Variants in SNTB1 observed in about 807,000 individuals in gnomAD.
SNTB1 encodes the protein beta-1-syntrophin.
Under a neutral mutation model 48.9 loss-of-function variants are expected in SNTB1, and 36 were observed. That is an observed-to-expected ratio of 0.74 (90% CI 0.56 to 0.97). SNTB1 has a LOEUF of 0.97. Ranked by LOEUF, SNTB1 falls within the 50% of genes least tolerant of loss-of-function variation. SNTB1 has a pLI of 0.00. For missense variants in SNTB1, 786 were observed against 703.4 expected (o/e 1.12, Z -1.33); for synonymous variants, 299 against 294.6 (o/e 1.01, Z -0.15).
At chr8:120,677,212 CTTGTT>C (rs1321553478) in intron 2 of SNTB1, among the ~76,000 whole-genome samples, 1 of 152,168 alleles carries the variant, frequency 6.6e-6, no homozygotes, top group African/African-American at 2.4e-5. Context: ...GCTCATGCAC[CTTGTT>C]TTATTTGTCA....
At chr8:120,606,768 A>C (rs1236796163) in intron 3 of SNTB1, among the ~76,000 whole-genome samples, 1 of 152,222 alleles carries the variant, frequency 6.6e-6, no homozygotes, top group African/African-American at 2.4e-5. Context: ...GACCTATACA[A>C]ATGTCCATCA....
chr8:120,717,059 G>A (rs927605442), intron 1 of SNTB1, among the ~76,000 whole-genome samples: 4 of 152,112 alleles, frequency 2.6e-5, no homozygotes, highest in Non-Finnish European at 5.9e-5. Flanking sequence ...GGCTCATCAC[G>A]CTCCAGGCAT....
intron 1 of SNTB1, among the ~76,000 whole-genome samples, chr8:120,760,553 G>A (rs896725496): frequency 5.3e-4 from 80 of 152,224 alleles, no homozygotes; most frequent in African/African-American, 1.8e-3. Context: ...AGAGGTGGGT[G>A]AGGCACATTT....
intron 1 of SNTB1, among the ~76,000 whole-genome samples, chr8:120,719,275 T>C (rs1818613744): frequency 6.6e-6 from 1 of 152,030 alleles, no homozygotes; most frequent in Non-Finnish European, 1.5e-5. Flanking sequence ...CAGAGAAACA[T>C]GAAAAGGTCA....
chr8:120,806,588 A>T (rs73707131), intron 1 of SNTB1, among the ~76,000 whole-genome samples: 8,623 of 152,248 alleles, frequency 0.057, 629 homozygotes, highest in East Asian at 0.36. Flanking sequence ...TACAATAATA[A>T]AAGGGGTGTT....
Position 120,811,599 on chromosome 8 carries a change from G to A in SNTB1, c.245C>T (p.Ala82Val), listed in dbSNP as rs377398729. Residue 82 changes from alanine (A) to valine (V), a missense_variant, in exon 1 of 7, where the codon GCG (alanine) becomes GTG (valine). Coordinates refer to ENST00000517992, the MANE Select transcript of SNTB1 (RefSeq NM_021021.4). The stretch of plus-strand genomic sequence containing the variant: ...CCCGGCGGGCGAGTCCGGGGGCTGC[G>A]CGCCGCCCGCGCCCGGGTGCCCAGC... Reference protein sequence around the residue: ...AGAGHPGAGGAQPPDSPAGVR... With the variant: ...AGAGHPGAGGVQPPDSPAGVR... 2.5e-6 allele frequency: 4 copies of A among 1,569,648 alleles called. No individual in the cohort carries two copies. The highest frequency in any genetic ancestry group is 1.9e-5 in the Admixed American group (1 of 52,328).
intron 1 of SNTB1, among the ~76,000 whole-genome samples, chr8:120,779,995 G>A (rs28616240): frequency 0.21 from 32,196 of 151,108 alleles, 3,481 homozygotes; most frequent in Middle Eastern, 0.27. Flanking sequence ...GGGGCTGATG[G>A]AAAAGTGGTG....
At chr8:120,782,738 T>C (rs890683288) in intron 1 of SNTB1, among the ~76,000 whole-genome samples, 1 of 152,162 alleles carries the variant, frequency 6.6e-6, no homozygotes, top group Non-Finnish European at 1.5e-5. Context: ...AGTGGATACG[T>C]CACGTTTTAA....
At chr8:120,781,317 G>A (rs895133673) in intron 1 of SNTB1, among the ~76,000 whole-genome samples, 7 of 152,156 alleles carry the variant, frequency 4.6e-5, no homozygotes, top group Non-Finnish European at 8.8e-5. Flanking sequence ...AGGAGGATGG[G>A]GATGGCTGAA....
chr8:120,749,764 G>A (rs536253225), intron 1 of SNTB1, among the ~76,000 whole-genome samples: 1 of 152,158 alleles, frequency 6.6e-6, no homozygotes, highest in Admixed American at 6.6e-5. Context: ...GCAATATGTG[G>A]GTTGGCTTGA....
Position 120,811,660 on chromosome 8 carries a change from T to A in SNTB1, c.184A>T (p.Thr62Ser), listed in dbSNP as rs772395891. ...CTGCAGAACGAGCCATTGGTGGCGG[T>A]CCCGATGCCGTTGTACGCCGCAGCG... ...EGAAAYNGIG[T>S]ATNGSFCRGA... The change falls in exon 1 of 7, where the codon ACC (threonine) becomes TCC (serine). Residue 62 changes from threonine (T) to serine (S), a missense_variant. By Grantham distance (58) the Thr-to-Ser change is moderately conservative. Transcript: ENST00000517992. 1 of 1,593,416 alleles carries A rather than the reference T, an allele frequency of 6.3e-7. No individual in the cohort carries two copies. The highest frequency in any genetic ancestry group is 1.7e-4 in the Middle Eastern group (1 of 5,928).
chr8:120,630,257 C>G (rs1274964191), intron 3 of SNTB1, among the ~76,000 whole-genome samples: 2 of 152,238 alleles, frequency 1.3e-5, no homozygotes, highest in Non-Finnish European at 2.9e-5. Flanking sequence ...GTGGAAGACA[C>G]TAGCAGGGGG....
At chr8:120,644,323 C>A (rs1817246384) in intron 2 of SNTB1, among the ~76,000 whole-genome samples, 1 of 119,576 alleles carries the variant, frequency 8.4e-6, no homozygotes. Flanking sequence ...TCCCCCCACC[C>A]CACAACAGTC....
At chr8:120,590,009 C>A (rs561481642) in intron 3 of SNTB1, among the ~76,000 whole-genome samples, 15 of 152,150 alleles carry the variant, frequency 9.9e-5, no homozygotes, top group Non-Finnish European at 1.8e-4. Context: ...ATTCACCCTC[C>A]TCTAACAATT....
chr8:120,535,867 A>G lies in SNTB1; in HGVS notation c.*3010T>C, dbSNP rs550288586. 1 of 152,236 alleles carries G rather than the reference A, an allele frequency of 6.6e-6. No homozygotes were observed. The highest frequency in any genetic ancestry group is 2.1e-4 in the South Asian group (1 of 4,826). The allele number at this position is 152,236 out of a possible 1,614,324, so 9.4% of individuals were successfully genotyped here. On this transcript the variant is annotated 3_prime_UTR_variant, in exon 7 of 7. Coordinates refer to ENST00000517992, the MANE Select transcript of SNTB1 (RefSeq NM_021021.4). The stretch of plus-strand genomic sequence containing the variant: ...AGATACATCCAAAAATTACCCCCTC[A>G]CTGTAGCCTACTCCAATCCCCTCAA...
At chr8:120,597,751 C>T (rs931299825) in intron 3 of SNTB1, among the ~76,000 whole-genome samples, 3 of 152,182 alleles carry the variant, frequency 2.0e-5, no homozygotes, top group African/African-American at 7.2e-5. Flanking sequence ...TGAATATGTT[C>T]CCCTAGAACT....
chr8:120,573,399 C>CT lies in SNTB1; in HGVS notation c.1136+1686dup, dbSNP rs1378168610. On this transcript the variant is annotated intron_variant, in intron 4 of 6. Transcript: ENST00000517992. ...TTCAGGTTCTTTTTGAATCAGTTTT[C>CT]TTTTTTTGCTATTGAAATGTAAATC... 1.6e-4 allele frequency among the ~76,000 whole-genome samples: 18 copies of CT among 109,400 alleles called. No individual in the cohort carries two copies. In the East Asian group the frequency reaches 4.8e-3, roughly 29 times the overall value. 71.8% of individuals were successfully genotyped at this position (109,400 alleles called of 152,430 possible). A position where few individuals can be genotyped will look rare whatever the true frequency, so the allele number is the denominator to read the frequency against.
chr8:120,571,441 G>GTGT, intron 4 of SNTB1: 1 of 634,038 alleles, frequency 1.6e-6, no homozygotes, highest in Non-Finnish European at 2.5e-6. Context: ...CTGAGTCTTT[G>GTGT]TGTGCAGTTA....
At chr8:120,576,337 T>C (rs574477880) in intron 3 of SNTB1, among the ~76,000 whole-genome samples, 1 of 152,356 alleles carries the variant, frequency 6.6e-6, no homozygotes, top group East Asian at 1.9e-4. Flanking sequence ...GTAAGCTAAA[T>C]AAGTGATAAA....
Sources: allele counts gnomAD v4.1 joint callset (sites outside exome capture counted in the v4.1 genomes callset), GRCh38; gene constraint gnomAD v4.1.1; transcripts MANE v1.5; gene names NCBI Gene and HGNC (gene_info 2026-07-23, HGNC 2026-07-21).